SYT7: variants seen among roughly 807,000 people sequenced by gnomAD.
SYT7 encodes the protein synaptotagmin 7.
Under a neutral mutation model 75.1 loss-of-function variants are expected in SYT7, and 29 were observed. That is an observed-to-expected ratio of 0.39 (90% CI 0.29 to 0.53). The LOEUF (loss-of-function observed/expected upper bound fraction) is 0.53. SYT7 is among the 20% of genes least tolerant of loss of function. SYT7 has a pLI of 0.77. For missense variants in SYT7, 693 were observed against 953.2 expected (o/e 0.73, Z 3.59); for synonymous variants, 376 against 401.7 (o/e 0.94, Z 0.76).
At position 61,551,689 on chromosome 11, in the gene SYT7, ACCTCGACCCGAACCTCATC is replaced by A. The variant is rs1157333457; in HGVS notation, c.136-245_136-227del. On this transcript the variant is annotated intron_variant, in intron 2 of 12. Transcript: ENST00000539008. The surrounding 1 kb of genome is among the most constrained non-coding windows in gnomAD (Gnocchi z 5.3). ...TCGGGCTCTAGGACCTGCCCCACCC[ACCTCGACCCGAACCTCATC>A]CCTGACTCCCAGGGATCAGCCCCTC... Among the ~76,000 whole-genome samples the A allele has an allele frequency of 6.6e-6, 1 of 151,970 alleles. No homozygotes were observed. Among genetic ancestry groups the A allele is most frequent in the Non-Finnish European group, 1.5e-5 (1 of 67,952 alleles).
chr11:61,582,468 C>A (rs955875397), upstream of SYT7, among the ~76,000 whole-genome samples: 1 of 152,038 alleles, frequency 6.6e-6, no homozygotes, highest in African/African-American at 2.4e-5. Flanking sequence ...CAAACAGACC[C>A]CATCCCCTTG....
At position 61,551,359 on chromosome 11, in the gene SYT7, C is replaced by T. The variant is rs1192778776; in HGVS notation, c.215+25G>A. 1.2e-6 allele frequency: 2 copies of T among 1,612,332 alleles called. No homozygotes were observed. The highest frequency in any genetic ancestry group is 2.2e-5 in the East Asian group (1 of 44,872). On this transcript the variant is annotated intron_variant, in intron 3 of 12. Transcript: ENST00000539008. This position sits in a 1 kb window ranked among gnomAD's most constrained non-coding sequence, Gnocchi z 5.3. ...ACCTGGGCTGCTTGTGTGGCCCCAT[C>T]CCAAACTAGCAGCCTGGCACCTACT...
intron 9 of SYT7, chr11:61,526,292 G>C (rs1490937085): frequency 6.6e-6 from 1 of 152,130 alleles, no homozygotes; most frequent in Non-Finnish European, 1.5e-5. Flanking sequence ...CATCAATTTA[G>C]GTAAAATGCA....
At chr11:61,564,600 C>G (rs184652801) in intron 1 of SYT7, among the ~76,000 whole-genome samples, 36 of 152,292 alleles carry the variant, frequency 2.4e-4, no homozygotes, top group Non-Finnish European at 5.0e-4. Context: ...AGACCTCAAA[C>G]CCTGTGGCTC....
chr11:61,547,387 G>A, intron 3 of SYT7, 79 bp from the exon 4 acceptor site: 1 of 1,497,546 alleles, frequency 6.7e-7, no homozygotes, highest in Non-Finnish European at 8.9e-7. Context: ...GGGGGCAGAA[G>A]GGACCAGGAC....
At chr11:61,522,657 T>A (rs1590820415) in intron 12 of SYT7, among the ~76,000 whole-genome samples, 1 of 151,914 alleles carries the variant, frequency 6.6e-6, no homozygotes, top group East Asian at 1.9e-4. Flanking sequence ...GCAGATGGAG[T>A]GGGAACTGAA....
chr11:61,520,970 C>A (rs927649691), intron 12 of SYT7, among the ~76,000 whole-genome samples: 1 of 152,230 alleles, frequency 6.6e-6, no homozygotes, highest in Non-Finnish European at 1.5e-5. Flanking sequence ...TGGGATGGTG[C>A]ATGTCATGTG....
intron 5 of SYT7, among the ~76,000 whole-genome samples, chr11:61,545,109 G>C (rs1381440141): frequency 6.6e-6 from 1 of 152,230 alleles, no homozygotes; most frequent in African/African-American, 2.4e-5. Flanking sequence ...GGGCCTAGAA[G>C]GGCTCTGATG....
At chr11:61,586,385 A>G in the SYT7 span, among the ~76,000 whole-genome samples, 6 of 152,264 alleles carry the variant, frequency 3.9e-5, no homozygotes, top group East Asian at 1.2e-3. Flanking sequence ...AGACTGACTG[A>G]GGGCCATGGG....
chr11:61,568,526 C>T (rs2063835551), intron 1 of SYT7, among the ~76,000 whole-genome samples: 1 of 152,238 alleles, frequency 6.6e-6, no homozygotes, highest in African/African-American at 2.4e-5. Context: ...TGCTCAGCCT[C>T]CTACACATGA....
Position 61,551,914 on chromosome 11 carries a change from G to A in SYT7, c.136-451C>T, listed in dbSNP as rs1277626879. Among the ~76,000 whole-genome samples, 4 of 152,152 alleles carry A rather than the reference G, an allele frequency of 2.6e-5. No individual in the cohort carries two copies. The highest frequency in any genetic ancestry group is 4.4e-5 in the Non-Finnish European group (3 of 67,994). On this transcript the variant is annotated intron_variant, in intron 2 of 12. Transcript: ENST00000539008. The surrounding 1 kb of genome is among the most constrained non-coding windows in gnomAD (Gnocchi z 5.3). Reference sequence around the variant, plus strand: ...GGCCAGTGATGTGAGCAGTGGGGGCGGGGAGAAGGCCATGTCCCCAGTCCT... The same window carrying A: ...GGCCAGTGATGTGAGCAGTGGGGGCAGGGAGAAGGCCATGTCCCCAGTCCT...
Position 61,538,355 on chromosome 11 carries a change from GA to G in SYT7, c.942-90del, listed in dbSNP as rs2062937159. The G allele has an allele frequency of 1.5e-5, 10 of 676,798 alleles. No homozygotes were observed. The African/African-American group carries it at 1.5e-4, about 10-fold the overall frequency. The allele number at this position is 676,798 out of a possible 1,614,324, so 41.9% of individuals were successfully genotyped here. ...GGGGAAGGAGAGAGAGGGAGAGAGA[GA>G]GAGAGAGAGAGAGAGAGAGAGAGAG... On this transcript the variant is annotated intron_variant, in intron 6 of 12. Transcript: ENST00000539008.
At chr11:61,529,083 C>A (rs1163556437) in intron 8 of SYT7, among the ~76,000 whole-genome samples, 1 of 152,248 alleles carries the variant, frequency 6.6e-6, no homozygotes, top group South Asian at 2.1e-4. Flanking sequence ...CTACCCACCC[C>A]CCAGCCGCCT....
At chr11:61,537,847 C>G (rs2062913368) in intron 7 of SYT7, among the ~76,000 whole-genome samples, 1 of 152,054 alleles carries the variant, frequency 6.6e-6, no homozygotes, top group African/African-American at 2.4e-5. Flanking sequence ...AGAGAGGAGC[C>G]AAGCAGGAAG....
chr11:61,535,342 A>G (rs1228193253), intron 7 of SYT7, among the ~76,000 whole-genome samples: 1 of 152,200 alleles, frequency 6.6e-6, no homozygotes, highest in East Asian at 1.9e-4. Flanking sequence ...GTGGCTTCAG[A>G]GTAGGGAGAG....
At position 61,551,582 on chromosome 11, in the gene SYT7, A is replaced by G; in HGVS notation, c.136-119T>C. The stretch of plus-strand genomic sequence containing the variant: ...GGAGTCGGGCCGTGGCAACAAGGCC[A>G]GGACCAGTGTGCGAGGCTGTCACCG... On this transcript the variant is annotated intron_variant, in intron 2 of 12. Transcript: ENST00000539008. This position sits in a 1 kb window ranked among gnomAD's most constrained non-coding sequence, Gnocchi z 5.3. 9.8e-7 allele frequency: 1 copy of G among 1,022,408 alleles called. No homozygotes were observed. The highest frequency in any genetic ancestry group is 2.0e-5 in the Admixed American group (1 of 50,720). The allele number at this position is 1,022,408 out of a possible 1,614,324, so 63.3% of individuals were successfully genotyped here.
At chr11:61,550,334 G>A (rs1264815906) in intron 3 of SYT7, among the ~76,000 whole-genome samples, 1 of 152,068 alleles carries the variant, frequency 6.6e-6, no homozygotes, top group African/African-American at 2.4e-5. Context: ...GTGGAGGGTG[G>A]GGGAGGAGTG....
At chr11:61,539,236 G>A (rs947630745) in intron 6 of SYT7, among the ~76,000 whole-genome samples, 11 of 152,314 alleles carry the variant, frequency 7.2e-5, no homozygotes, top group African/African-American at 2.6e-4. Flanking sequence ...CGGGGAGGGG[G>A]TAGGCAAGAA....
At position 61,517,582 on chromosome 11, in the gene SYT7, A is replaced by G. The variant is rs2062180071; in HGVS notation, c.*1045T>C. On this transcript the variant is annotated 3_prime_UTR_variant, in exon 13 of 13. Coordinates refer to ENST00000539008, the MANE Select transcript of SYT7 (RefSeq NM_001365809.2). The stretch of plus-strand genomic sequence containing the variant: ...CAGGCAGGGAGAGATGAGGAAGGGC[A>G]GGCAAGCTGGAAAGCATGGAGAATA... The G allele has an allele frequency of 2.5e-6, 1 of 399,664 alleles. No homozygotes were observed. The highest frequency in any genetic ancestry group is 4.4e-6 in the Non-Finnish European group (1 of 226,702). The allele number at this position is 399,664 out of a possible 1,614,324, so 24.8% of individuals were successfully genotyped here. A position where few individuals can be genotyped will look rare whatever the true frequency, so the allele number is the denominator to read the frequency against.
Sources: allele counts gnomAD v4.1 joint callset (sites outside exome capture counted in the v4.1 genomes callset), GRCh38; gene constraint gnomAD v4.1.1; non-coding constraint Gnocchi (gnomAD v3.1); transcripts MANE v1.5; gene names NCBI Gene and HGNC (gene_info 2026-07-23, HGNC 2026-07-21).